Variants in SCFD2 observed in about 807,000 individuals in gnomAD.
SCFD2 encodes sec1 family domain containing 2.
In SCFD2, 54 loss-of-function variants were observed where a neutral mutation model predicts 58.9. That is an observed-to-expected ratio of 0.92 (90% confidence interval 0.74 to 1.15). The LOEUF is 1.15. Ranked by LOEUF, SCFD2 falls within the 50% of genes most tolerant of loss-of-function variation. The pLI, the probability that SCFD2 is intolerant of heterozygous loss-of-function variation, is 0.00. For missense variants in SCFD2, 805 were observed against 836.6 expected, an observed-to-expected ratio of 0.96 and a Z score of 0.47; for synonymous variants, 321 against 335.9, an observed-to-expected ratio of 0.96 and a Z score of 0.49.
intron 5 of SCFD2, among the ~76,000 whole-genome samples, chr4:52,991,377 C>A (rs1386269319): frequency 6.6e-6 from 1 of 152,154 alleles, no homozygotes; most frequent in African/African-American, 2.4e-5. Context: ...GAGTCACTCC[C>A]AGATATGTTG....
intron 4 of SCFD2, among the ~76,000 whole-genome samples, chr4:53,249,601 G>C (rs1289652475): frequency 6.6e-6 from 1 of 152,186 alleles, no homozygotes; most frequent in African/African-American, 2.4e-5. Context: ...ACTCACAGCA[G>C]ATCTCTCGGC....
chr4:53,179,061 G>A (rs1419335928), intron 4 of SCFD2, among the ~76,000 whole-genome samples: 1 of 152,200 alleles, frequency 6.6e-6, no homozygotes, highest in African/African-American at 2.4e-5. Context: ...ATGGAACCAA[G>A]TTGGAAAACA....
chr4:53,289,023 AG>A (rs555276726), intron 3 of SCFD2, among the ~76,000 whole-genome samples: 158 of 152,348 alleles, frequency 1.0e-3, no homozygotes, highest in African/African-American at 3.8e-3. Flanking sequence ...AGGGAGTAAA[AG>A]TCCAGACTAC....
chr4:53,273,908 C>A lies in SCFD2; in HGVS notation c.1229G>T (p.Gly410Val). Reference sequence around the variant, plus strand: ...TTTCAACGTTTGAGCTGTGGCCAGTCCAAGCTGGAGGAGGCCACAATGATT... The same window carrying A: ...TTTCAACGTTTGAGCTGTGGCCAGTACAAGCTGGAGGAGGCCACAATGATT... Reference protein sequence around the residue: ...LMNHCGLLQLGLATAQTLKHP... With the variant: ...LMNHCGLLQLVLATAQTLKHP... Residue 410 changes from glycine to valine, a missense_variant, in exon 4 of 9, where the codon GGA (glycine) becomes GTA (valine). Transcript: ENST00000401642. The A allele has an allele frequency of 6.2e-7, 1 of 1,613,936 alleles. No homozygotes were observed. Among genetic ancestry groups the A allele is most frequent in the Middle Eastern group, 1.7e-4 (1 of 6,056 alleles).
chr4:53,214,004 C>T (rs1427057314), intron 4 of SCFD2, among the ~76,000 whole-genome samples: 1 of 152,002 alleles, frequency 6.6e-6, no homozygotes, highest in African/African-American at 2.4e-5. Flanking sequence ...TTTATGGCTG[C>T]ATAGTATCCC....
chr4:53,112,555 A>G (rs1299728394), intron 5 of SCFD2, among the ~76,000 whole-genome samples: 2 of 152,092 alleles, frequency 1.3e-5, no homozygotes, highest in African/African-American at 2.4e-5. Flanking sequence ...TCTCCATTAC[A>G]GGACATAAAA....
At chr4:53,027,114 T>C (rs191557034) in intron 5 of SCFD2, among the ~76,000 whole-genome samples, 1 of 152,316 alleles carries the variant, frequency 6.6e-6, no homozygotes, top group Non-Finnish European at 1.5e-5. Context: ...TCCAGAACCA[T>C]GGGCTTTTTT....
intron 5 of SCFD2, among the ~76,000 whole-genome samples, chr4:52,990,599 T>A (rs1490236957): frequency 6.6e-6 from 1 of 152,156 alleles, no homozygotes; most frequent in African/African-American, 2.4e-5. Context: ...AGTGGAAGAA[T>A]CATGTAAAGT....
chr4:53,309,750 G>C (rs926007796), intron 3 of SCFD2, among the ~76,000 whole-genome samples: 6 of 152,174 alleles, frequency 3.9e-5, no homozygotes, highest in African/African-American at 1.4e-4. Flanking sequence ...AATCTAACTT[G>C]ATCTGTTTGC....
At chr4:53,341,403 G>T (rs1333128046) in intron 2 of SCFD2, among the ~76,000 whole-genome samples, 1 of 152,112 alleles carries the variant, frequency 6.6e-6, no homozygotes, top group Non-Finnish European at 1.5e-5. Context: ...GAGAAGTTTA[G>T]AGAAAAAAGA....
chr4:53,115,806 A>G (rs546914069), intron 5 of SCFD2, among the ~76,000 whole-genome samples: 1 of 152,200 alleles, frequency 6.6e-6, no homozygotes, highest in Non-Finnish European at 1.5e-5. Context: ...AAAGACACTG[A>G]CCTTCTAAAA....
intron 4 of SCFD2, among the ~76,000 whole-genome samples, chr4:53,208,581 T>C (rs1478134872): frequency 1.3e-5 from 2 of 152,098 alleles, no homozygotes; most frequent in Non-Finnish European, 2.9e-5. Context: ...GCATACCCAA[T>C]CTCCTGACTC....
intron 7 of SCFD2, among the ~76,000 whole-genome samples, chr4:52,903,410 CTGCTACCTTGCAT>C (rs1719271019): frequency 6.6e-6 from 1 of 152,156 alleles, no homozygotes; most frequent in South Asian, 2.1e-4. Flanking sequence ...AGTGATGGGG[CTGCTACCTTGCAT>C]CCCCTGTGAA....
chr4:52,998,688 C>A (rs1224357330), intron 5 of SCFD2, among the ~76,000 whole-genome samples: 1 of 152,196 alleles, frequency 6.6e-6, no homozygotes, highest in Admixed American at 6.5e-5. Flanking sequence ...TCAACCACAG[C>A]TGGCAAGAAC....
At chr4:53,180,380 G>C (rs1350009593) in intron 4 of SCFD2, among the ~76,000 whole-genome samples, 1 of 152,154 alleles carries the variant, frequency 6.6e-6, no homozygotes, top group Non-Finnish European at 1.5e-5. Context: ...TGGAAACTGA[G>C]CAAGCTGCTC....
At chr4:53,247,816 G>C (rs1730151102) in intron 4 of SCFD2, among the ~76,000 whole-genome samples, 1 of 128,750 alleles carries the variant, frequency 7.8e-6, no homozygotes, top group Admixed American at 8.6e-5. Flanking sequence ...AGCCGAGATT[G>C]CGCCACTGCA....
intron 4 of SCFD2, among the ~76,000 whole-genome samples, chr4:53,255,647 A>G (rs1730584892): frequency 6.6e-6 from 1 of 152,184 alleles, no homozygotes; most frequent in African/African-American, 2.4e-5. Context: ...CCGATTTCTC[A>G]ATCTTTTCCC....
chr4:53,361,016 T>C (rs546207697), intron 1 of SCFD2, among the ~76,000 whole-genome samples: 1 of 152,338 alleles, frequency 6.6e-6, no homozygotes, highest in African/African-American at 2.4e-5. Context: ...ATTGTTTCAC[T>C]GATCTCATGT....
At position 53,014,315 on chromosome 4, in the gene SCFD2, T is replaced by TA. The variant is rs151332534; in HGVS notation, c.1562-93446dup. The stretch of plus-strand genomic sequence containing the variant: ...GAGTTTTTGTGAAAACAGTGTTAGT[T>TA]ACGCACTGAAGGGGAGGTTAGAAAG... On this transcript the variant is annotated intron_variant, in intron 5 of 8. Coordinates refer to ENST00000401642, the MANE Select transcript of SCFD2 (RefSeq NM_152540.4). Among the ~76,000 whole-genome samples the TA allele has an allele frequency of 2.5e-3, 376 of 152,298 alleles. 3 individuals carry two copies. Among genetic ancestry groups the TA allele is most frequent in the African/African-American group, 8.6e-3 (359 of 41,558 alleles).
Sources: allele counts gnomAD v4.1 joint callset (sites outside exome capture counted in the v4.1 genomes callset), GRCh38; gene constraint gnomAD v4.1.1; transcripts MANE v1.5; gene names NCBI Gene and HGNC (gene_info 2026-07-23, HGNC 2026-07-21).